Variants in VIT observed in about 807,000 individuals in gnomAD.
VIT encodes vitrin.
VIT carries 99 observed loss-of-function variants against 78.0 expected under a neutral mutation model. The ratio of observed to expected loss-of-function variants is 1.27; its 90% CI spans 1.08 to 1.50. VIT has a LOEUF of 1.50. VIT is among the 40% of genes most tolerant of loss of function. The pLI is 0.00. For missense variants in VIT, 1,126 were observed against 875.3 expected, an observed-to-expected ratio of 1.29 and a Z score of -3.61; for synonymous variants, 374 against 334.3, an observed-to-expected ratio of 1.12 and a Z score of -1.29.
Position 36,808,662 on chromosome 2 carries a change from G to A in VIT, c.1580G>A (p.Arg527His), listed in dbSNP as rs200494736. The A allele has an allele frequency of 9.3e-6, 15 of 1,614,076 alleles. No homozygotes were observed. Among genetic ancestry groups the A allele is most frequent in the South Asian group, 3.3e-5 (3 of 91,088 alleles). Residue 527 changes from arginine to histidine, a missense_variant, in exon 15 of 16, where the codon CGC (arginine) becomes CAC (histidine). Arg to His is a conservative substitution (Grantham distance 29). Coordinates refer to ENST00000379242, the MANE Select transcript of VIT (RefSeq NM_053276.4). ...GSSSVGTGNF[R>H]TVLQFVTNLT... ...AGCAGTGTGGGGACGGGCAACTTCC[G>A]CACCGTCCTCCAGTTTGTGACCAAC...
rs34401995 is a variant in VIT, at chr2:36,797,099, A to AT, written c.1059-4187dup. Reference sequence around the variant, plus strand: ...CCAATATGTTTTTTTGTTTCAACCAATTTTTTTTTTTTTTTGGCTCTGAAA... The same window carrying AT: ...CCAATATGTTTTTTTGTTTCAACCAATTTTTTTTTTTTTTTTGGCTCTGAAA... On this transcript the variant is annotated intron_variant, in intron 12 of 15. Coordinates refer to ENST00000379242, the MANE Select transcript of VIT (RefSeq NM_053276.4). Among the ~76,000 whole-genome samples the AT allele has an allele frequency of 5.1e-3, 730 of 142,494 alleles. 3 individuals are homozygous for AT. Among genetic ancestry groups the AT allele is most frequent in the African/African-American group, 0.016 (617 of 38,982 alleles). The allele number at this position is 142,494 out of a possible 152,430, so 93.5% of individuals were successfully genotyped here. A position where few individuals can be genotyped will look rare whatever the true frequency, so the allele number is the denominator to read the frequency against.
chr2:36,805,929 G>T (rs976635310), intron 14 of VIT, among the ~76,000 whole-genome samples: 5 of 152,088 alleles, frequency 3.3e-5, no homozygotes, highest in African/African-American at 9.7e-5. Flanking sequence ...GCCCCAGGGG[G>T]GGTCTCACCC....
At chr2:36,730,561 A>G (rs1454882231) in intron 3 of VIT, among the ~76,000 whole-genome samples, 1 of 152,176 alleles carries the variant, frequency 6.6e-6, no homozygotes, top group African/African-American at 2.4e-5. Context: ...TTTTCTTCTC[A>G]GTCATTTTGC....
intron 12 of VIT, among the ~76,000 whole-genome samples, chr2:36,790,422 C>G (rs999301690): frequency 6.6e-6 from 1 of 152,172 alleles, no homozygotes; most frequent in African/African-American, 2.4e-5. Context: ...GAGATCCTAC[C>G]TCTGGTCTGG....
intron 10 of VIT, among the ~76,000 whole-genome samples, chr2:36,782,017 G>A (rs1267409592): frequency 6.6e-6 from 1 of 152,170 alleles, no homozygotes; most frequent in Non-Finnish European, 1.5e-5. Context: ...CAAAAAGCCA[G>A]AAGGGAGCTA....
At chr2:36,786,564 C>T (rs1329910814) in intron 11 of VIT, among the ~76,000 whole-genome samples, 1 of 152,208 alleles carries the variant, frequency 6.6e-6, no homozygotes, top group Non-Finnish European at 1.5e-5. Flanking sequence ...TAGCTACGAA[C>T]AAGGGCTGAC....
In VIT at chr2:36,775,028, G is replaced by A. The variant is rs553894359; in HGVS notation, c.763G>A (p.Ala255Thr). 6.2e-6 allele frequency: 10 copies of A among 1,614,158 alleles called. No individual in the cohort carries two copies. The South Asian group carries it at 1.1e-4, about 18-fold the overall frequency. Residue 255 changes from alanine to threonine, a missense_variant, in exon 9 of 16, where the codon GCT becomes ACT. Ala to Thr is a moderately conservative substitution (Grantham distance 58, BLOSUM62 0). Transcript: ENST00000379242. ...PGIQRQDPSG[A>T]AFQKPVGADV... Reference sequence around the variant, plus strand: ...TATCCAAAGGCAAGATCCTTCAGGAGCTGCCTTCCAGAAACCTGTTGGAGC... The same window carrying A: ...TATCCAAAGGCAAGATCCTTCAGGAACTGCCTTCCAGAAACCTGTTGGAGC...
At chr2:36,740,627 G>C (rs1305650476) in intron 3 of VIT, among the ~76,000 whole-genome samples, 27 of 152,070 alleles carry the variant, frequency 1.8e-4, no homozygotes, top group Admixed American at 1.8e-3. Flanking sequence ...ACAAATTAAT[G>C]AGTGAATCCA....
chr2:36,798,703 G>T (rs1372339489), intron 12 of VIT, among the ~76,000 whole-genome samples: 15 of 152,116 alleles, frequency 9.9e-5, no homozygotes, highest in Admixed American at 9.8e-4. Flanking sequence ...AGGTTGCAGT[G>T]AACCAAAATC....
intron 5 of VIT, 60 bp from the exon 6 acceptor site, chr2:36,758,909 A>T: frequency 7.0e-7 from 1 of 1,434,258 alleles, no homozygotes; most frequent in Non-Finnish European, 9.8e-7. Flanking sequence ...CTTAGTACAG[A>T]ACCATCTAAA....
At chr2:36,742,569 C>T (rs11689619) in intron 3 of VIT, among the ~76,000 whole-genome samples, 93,558 of 151,926 alleles carry the variant, frequency 0.62, 34,110 homozygotes, top group Non-Finnish European at 0.83. Context: ...CACAAGCATG[C>T]AAGCCTTCTT....
intron 3 of VIT, among the ~76,000 whole-genome samples, chr2:36,737,005 C>T (rs907058766): frequency 6.6e-6 from 1 of 151,990 alleles, no homozygotes; most frequent in African/African-American, 2.4e-5. Flanking sequence ...CATGAAGATC[C>T]AATTAGTGCT....
At chr2:36,799,100 T>C (rs1666124241) in intron 12 of VIT, among the ~76,000 whole-genome samples, 1 of 152,180 alleles carries the variant, frequency 6.6e-6, no homozygotes, top group African/African-American at 2.4e-5. Flanking sequence ...ATTTCCTGTC[T>C]TCCCTGAAGG....
At chr2:36,791,068 C>G (rs145990914) in intron 12 of VIT, among the ~76,000 whole-genome samples, 1 of 152,160 alleles carries the variant, frequency 6.6e-6, no homozygotes, top group Non-Finnish European at 1.5e-5. Context: ...TAATTGCACA[C>G]GTTCTTTGTA....
Position 36,814,248 on chromosome 2 carries a change from C to T in VIT, c.1969C>T (p.His657Tyr), listed in dbSNP as rs201861599. The T allele has an allele frequency of 1.6e-5, 26 of 1,614,232 alleles. No homozygotes were observed. Among genetic ancestry groups the T allele is most frequent in the South Asian group, 1.5e-4 (14 of 91,088 alleles). The change falls in exon 16 of 16, where the codon CAC becomes TAC. Residue 657 changes from histidine (H) to tyrosine (Y), a missense_variant. His to Tyr is a moderately conservative substitution (Grantham distance 83). Transcript: ENST00000379242. ...AGAGGAGCTAGAAGTCATTGCCACT[C>T]ACCCCGCCAGAGACCACTCCTTCTT... The part of the protein sequence containing the change: ...AQEELEVIAT[H>Y]PARDHSFFVD...
chr2:36,765,933 G>A (rs1257140394), intron 6 of VIT, among the ~76,000 whole-genome samples: 1 of 152,266 alleles, frequency 6.6e-6, no homozygotes, highest in Non-Finnish European at 1.5e-5. Flanking sequence ...CAGGTACACA[G>A]GGACAGAAGC....
intron 6 of VIT, among the ~76,000 whole-genome samples, chr2:36,760,593 TCTC>T (rs1164839298): frequency 6.6e-6 from 1 of 152,038 alleles, no homozygotes; most frequent in Non-Finnish European, 1.5e-5. Context: ...GGGTGACAGG[TCTC>T]CTTAAGTGGC....
chr2:36,718,694 G>A (rs1175634684), intron 2 of VIT, among the ~76,000 whole-genome samples: 1 of 152,124 alleles, frequency 6.6e-6, no homozygotes, highest in South Asian at 2.1e-4. Flanking sequence ...GAAGCCCTGA[G>A]GAACTTCTAG....
intron 6 of VIT, among the ~76,000 whole-genome samples, 195 bp from the exon 7 acceptor site, chr2:36,766,899 T>C (rs1040955072): frequency 6.6e-6 from 1 of 152,228 alleles, no homozygotes. Flanking sequence ...GAATCTTTGG[T>C]TGATTGAGTG....
Sources: allele counts gnomAD v4.1 joint callset (sites outside exome capture counted in the v4.1 genomes callset), GRCh38; gene constraint gnomAD v4.1.1; transcripts MANE v1.5; gene names NCBI Gene and HGNC (gene_info 2026-07-23, HGNC 2026-07-21).